Variants in RFWD3 observed in about 807,000 individuals in gnomAD.
RFWD3 encodes the protein E3 ubiquitin-protein ligase RFWD3.
RFWD3 carries 65 observed loss-of-function variants against 87.7 expected under a neutral mutation model. That is an observed-to-expected ratio of 0.74 (90% CI 0.61 to 0.91). The LOEUF is 0.91. Ranked by LOEUF, RFWD3 falls within the 40% of genes least tolerant of loss-of-function variation. The pLI, the probability that RFWD3 is intolerant of heterozygous loss-of-function variation, is 0.00. For synonymous variants in RFWD3, 433 were observed against 352.8 expected (o/e 1.23, Z -2.55); for missense variants, 1,078 against 938.5 (o/e 1.15, Z -1.94).
At chr16:74,655,248 CT>C (rs1175694497) in intron 2 of RFWD3, among the ~76,000 whole-genome samples, 3 of 151,088 alleles carry the variant, frequency 2.0e-5, no homozygotes, top group Non-Finnish European at 4.4e-5. Flanking sequence ...AGCCGATGCT[CT>C]TTTTTTTTGA....
At chr16:74,658,658 C>T (rs138118160) in intron 2 of RFWD3, among the ~76,000 whole-genome samples, 27 of 152,154 alleles carry the variant, frequency 1.8e-4, no homozygotes, top group African/African-American at 6.0e-4. Context: ...ACTTCCTGAC[C>T]GTTTAGGTTA....
chr16:74,632,141 A>G (rs1403391277), intron 9 of RFWD3, among the ~76,000 whole-genome samples: 1 of 152,040 alleles, frequency 6.6e-6, no homozygotes, highest in East Asian at 2.0e-4. Context: ...CTGTAATCCC[A>G]GCACTTCAGG....
intron 6 of RFWD3, among the ~76,000 whole-genome samples, chr16:74,641,826 T>C (rs927601034): frequency 2.1e-5 from 3 of 145,028 alleles, no homozygotes; most frequent in Non-Finnish European, 3.0e-5. Context: ...CTTGGGAGAC[T>C]GAGGCAGGAG....
chr16:74,632,117 G>A (rs929626330), intron 9 of RFWD3, among the ~76,000 whole-genome samples: 4 of 151,082 alleles, frequency 2.6e-5, no homozygotes, highest in Non-Finnish European at 4.4e-5. Context: ...TCGGCTGGGC[G>A]CAGTGGCTCA....
At chr16:74,628,764 G>A in intron 10 of RFWD3, 98 bp from the exon 11 acceptor site, 1 of 983,038 alleles carries the variant, frequency 1.0e-6, no homozygotes, top group Non-Finnish European at 1.6e-6. Flanking sequence ...CTCTGCAGAG[G>A]AGGTTAAACG....
At chr16:74,638,179 G>A (rs1959313649) in intron 6 of RFWD3, among the ~76,000 whole-genome samples, 1 of 152,136 alleles carries the variant, frequency 6.6e-6, no homozygotes, top group South Asian at 2.1e-4. Context: ...ACTATTACTA[G>A]AAAATGGGGA....
chr16:74,653,486 T>C (rs1345736217), intron 2 of RFWD3, among the ~76,000 whole-genome samples: 2 of 146,216 alleles, frequency 1.4e-5, no homozygotes, highest in Non-Finnish European at 3.0e-5. Flanking sequence ...AGAGACTCCA[T>C]CTTCAAAAAA....
intron 4 of RFWD3, among the ~76,000 whole-genome samples, chr16:74,648,168 C>T (rs1027079602): frequency 1.3e-5 from 2 of 152,028 alleles, no homozygotes; most frequent in African/African-American, 4.8e-5. Context: ...GATACTTAAC[C>T]TTGTTGGCTA....
chr16:74,641,732 G>A (rs1170317107), intron 6 of RFWD3, among the ~76,000 whole-genome samples: 3 of 151,578 alleles, frequency 2.0e-5, no homozygotes, highest in South Asian at 2.1e-4. Flanking sequence ...AGACCAGCCT[G>A]GCCAACACGG....
At chr16:74,635,938 G>T (rs1959192787) in intron 8 of RFWD3, among the ~76,000 whole-genome samples, 2 of 152,232 alleles carry the variant, frequency 1.3e-5, no homozygotes, top group Non-Finnish European at 2.9e-5. Context: ...TCTCTTATTT[G>T]GAAATTGTTA....
At chr16:74,664,804 CA>C (rs1275309176) in intron 1 of RFWD3, 1 of 152,026 alleles carries the variant, frequency 6.6e-6, no homozygotes, top group Non-Finnish European at 1.5e-5. Context: ...GGTCACATTT[CA>C]ACTGCTAGAA....
chr16:74,630,985 C>G (rs369018874), intron 9 of RFWD3, 28 bp from the exon 10 acceptor site: 35 of 1,579,260 alleles, frequency 2.2e-5, no homozygotes, highest in Non-Finnish European at 2.8e-5. Flanking sequence ...ACTTTTACAA[C>G]TGCATTAAGA....
Position 74,632,641 on chromosome 16 carries a change from T to C in RFWD3, c.1459A>G (p.Met487Val), listed in dbSNP as rs202130447. The C allele has an allele frequency of 2.5e-6, 4 of 1,614,030 alleles. No homozygotes were observed. In the African/African-American group the frequency reaches 4.0e-5, roughly 16 times the overall value. ...ATCGGAATGTACTGACTGCTCTTCA[T>C]GTTGGCAGTACTCAACATCTTAACA... ...FGVKMLSTAN[M>V]KSSQYIPMHG... is the part of the protein sequence containing the mutation. The change falls in exon 9 of 13, where the codon ATG becomes GTG. Residue 487 changes from methionine to valine, a missense_variant. Transcript: ENST00000361070.
chr16:74,639,836 T>G (rs988204423), intron 6 of RFWD3, among the ~76,000 whole-genome samples: 7 of 152,168 alleles, frequency 4.6e-5, no homozygotes, highest in Admixed American at 1.3e-4. Flanking sequence ...GTACAGTGTC[T>G]CCTTATCTAG....
chr16:74,646,103 T>C lies in RFWD3; in HGVS notation c.793-1368A>G, dbSNP rs1960121085. Among the ~76,000 whole-genome samples, 3 of 152,240 alleles carry C rather than the reference T, an allele frequency of 2.0e-5. 1 individual carries two copies. In the South Asian group the frequency reaches 6.2e-4, roughly 32 times the overall value. On this transcript the variant is annotated intron_variant, in intron 4 of 12. Transcript: ENST00000361070. ...AAGATTGTTCCAAGCAGGCCAGGTG[T>C]AGTAATCACACCTACAGTCCCAGCT...
intron 8 of RFWD3, among the ~76,000 whole-genome samples, chr16:74,635,574 G>A (rs1326855890): frequency 6.6e-6 from 1 of 152,164 alleles, no homozygotes; most frequent in African/African-American, 2.4e-5. Context: ...GACTGGAATG[G>A]ACACGTTAAG....
intron 2 of RFWD3, among the ~76,000 whole-genome samples, chr16:74,659,182 G>A (rs991610065): frequency 6.6e-6 from 1 of 152,130 alleles, no homozygotes; most frequent in Non-Finnish European, 1.5e-5. Context: ...ACAAGTCACT[G>A]TGCTTGACCA....
intron 3 of RFWD3, 58 bp downstream of exon 3, chr16:74,651,862 G>T (rs961127696): frequency 2.3e-5 from 35 of 1,500,668 alleles, no homozygotes; most frequent in Non-Finnish European, 3.2e-5. Context: ...CTAGCCTTCC[G>T]AAATTTAAGC....
chr16:74,644,348 C>T lies in RFWD3; in HGVS notation c.1079+14G>A. The T allele has an allele frequency of 6.2e-7, 1 of 1,613,344 alleles. No individual in the cohort carries two copies. The highest frequency in any genetic ancestry group is 8.5e-7 in the Non-Finnish European group (1 of 1,179,572). Reference sequence around the variant, plus strand: ...AAAGGGAACATTCCAGCCAGGCATACTCTTACCACCTACCTTTTCATGCGC... The same window carrying T: ...AAAGGGAACATTCCAGCCAGGCATATTCTTACCACCTACCTTTTCATGCGC... On this transcript the variant is annotated intron_variant, in intron 6 of 12. Transcript: ENST00000361070.
Sources: allele counts gnomAD v4.1 joint callset (sites outside exome capture counted in the v4.1 genomes callset), GRCh38; gene constraint gnomAD v4.1.1; transcripts MANE v1.5; gene names NCBI Gene and HGNC (gene_info 2026-07-23, HGNC 2026-07-21).